Variants in SRSF5 observed in about 807,000 individuals in gnomAD.
SRSF5 encodes serine/arginine-rich splicing factor 5.
SRSF5 carries 5 observed loss-of-function variants against 34.0 expected under a neutral mutation model. The observed-to-expected ratio is 0.15, with a 90% confidence interval of 0.08 to 0.31. The LOEUF (loss-of-function observed/expected upper bound fraction) is 0.31. Ranked by LOEUF, SRSF5 falls within the 10% of genes least tolerant of loss-of-function variation. SRSF5 has a pLI of 1.00. For synonymous variants in SRSF5, 164 were observed against 117.7 expected (o/e 1.39, Z -2.55); for missense variants, 223 against 351.4 (o/e 0.63, Z 2.92).
At chr14:69,767,340 C>T (rs1004502618) in intron 1 of SRSF5, 85 bp downstream of exon 1, 2 of 455,726 alleles carry the variant, frequency 4.4e-6, no homozygotes, top group African/African-American at 2.0e-5. Context: ...GGGCTGCTCT[C>T]TTTGCGGAGG....
chr14:69,771,719 T>C lies in SRSF5; in HGVS notation c.*258T>C. 1 of 396,944 alleles carries C rather than the reference T, an allele frequency of 2.5e-6. No individual in the cohort carries two copies. Among genetic ancestry groups the C allele is most frequent in the Non-Finnish European group, 4.5e-6 (1 of 222,906 alleles). The allele number at this position is 396,944 out of a possible 1,614,324, so 24.6% of individuals were successfully genotyped here. A position where few individuals can be genotyped will look rare whatever the true frequency, so the allele number is the denominator to read the frequency against. On this transcript the variant is annotated 3_prime_UTR_variant, in exon 8 of 8. Transcript: ENST00000557154. ...GTCTGAAGTATATAGTTTGTGTATA[T>C]TGACAGAGCTCTTTTATAACTAAAG...
At chr14:69,770,431 C>T (rs932626795) in intron 5 of SRSF5, 36 bp from the exon 6 acceptor site, 1 of 1,604,760 alleles carries the variant, frequency 6.2e-7, no homozygotes, top group African/African-American at 1.3e-5. Context: ...TGTCCCCTTT[C>T]CTCTTCTTTG....
intron 5 of SRSF5, chr14:69,770,062 T>C (rs1206445029): frequency 3.5e-5 from 36 of 1,018,630 alleles, no homozygotes; most frequent in Non-Finnish European, 4.0e-5. Flanking sequence ...ACTTTTTTAA[T>C]GACATATGGG....
Position 69,768,824 on chromosome 14 carries a change from G to A in SRSF5, c.224G>A (p.Arg75Gln). The change falls in exon 4 of 8, where the codon CGG (arginine) becomes CAG (glutamine). Residue 75 changes from arginine to glutamine, a missense_variant. This residue lies in a region of SRSF5 where 44 missense variants were observed against 44.3 expected (regional missense o/e 0.99). Transcript: ENST00000557154. ...GTTACTATTGAACATGCTAGGGCTC[G>A]GTCACGAGGTGGAAGAGGTAGAGGA... ...ERVTIEHARA[R>Q]SRGGRGRGRY... 1.9e-6 allele frequency: 3 copies of A among 1,614,156 alleles called. No individual in the cohort carries two copies. The highest frequency in any genetic ancestry group is 1.7e-5 in the Admixed American group (1 of 60,014).
At chr14:69,768,703 T>G in intron 3 of SRSF5, 29 bp downstream of exon 3, 2 of 1,612,458 alleles carry the variant, frequency 1.2e-6, no homozygotes, top group East Asian at 2.2e-5. Context: ...TAGATAACCC[T>G]GGGACATAGA....
chr14:69,769,598 C>CT, intron 5 of SRSF5: 2 of 1,535,388 alleles, frequency 1.3e-6, no homozygotes, highest in Non-Finnish European at 1.7e-6. Flanking sequence ...GCCTGGTTGA[C>CT]TTTGCCAGTC....
intron 2 of SRSF5, 83 bp from the exon 3 acceptor site, chr14:69,768,519 TTC>T: frequency 7.2e-7 from 1 of 1,380,988 alleles, no homozygotes; most frequent in Non-Finnish European, 1.0e-6. Flanking sequence ...ACTCTTCCCA[TTC>T]TGTCTCCTGA....
chr14:69,769,351 A>T, intron 5 of SRSF5, 100 bp downstream of exon 5: 1 of 1,515,538 alleles, frequency 6.6e-7, no homozygotes, highest in African/African-American at 1.4e-5. Flanking sequence ...GTTTTAAATT[A>T]ATGGATTTAA....
chr14:69,770,353 G>C, intron 5 of SRSF5, 114 bp from the exon 6 acceptor site: 1 of 1,483,900 alleles, frequency 6.7e-7, no homozygotes, highest in Non-Finnish European at 8.9e-7. Flanking sequence ...TAAATGCCAT[G>C]TTTGTACTTT....
chr14:69,767,568 G>T (rs1882632729), intron 1 of SRSF5: 1 of 455,782 alleles, frequency 2.2e-6, no homozygotes, highest in Non-Finnish European at 4.4e-6. Context: ...CGATGCGGCT[G>T]GGCCTTTTGT....
Position 69,768,461 on chromosome 14 carries a change from C to A in SRSF5, c.127-143C>A. The A allele has an allele frequency of 4.2e-6, 5 of 1,190,268 alleles. No homozygotes were observed. In the South Asian group the frequency reaches 5.6e-5, roughly 13 times the overall value. 73.7% of individuals were successfully genotyped at this position (1,190,268 alleles called of 1,614,324 possible). ...TTGCCGGCTCACTGGAACCCCACTCCCAGTGGCTCCTTGATTAGGTTTGAC... is the reference window on the plus strand; with the variant it reads ...TTGCCGGCTCACTGGAACCCCACTCACAGTGGCTCCTTGATTAGGTTTGAC... On this transcript the variant is annotated intron_variant, in intron 2 of 7. Coordinates refer to ENST00000557154, the MANE Select transcript of SRSF5 (RefSeq NM_001320214.2).
chr14:69,769,135 G>T, intron 4 of SRSF5, 47 bp from the exon 5 acceptor site: 1 of 1,604,898 alleles, frequency 6.2e-7, no homozygotes, highest in Non-Finnish European at 8.5e-7. Context: ...GAACACAAGT[G>T]CTGTCATTGC....
intron 1 of SRSF5, chr14:69,767,644 C>T (rs1036858180): frequency 2.4e-5 from 10 of 417,140 alleles, no homozygotes; most frequent in Admixed American, 2.0e-4. Context: ...GAATTTGGCA[C>T]GCGCAGCTCT....
Position 69,768,895 on chromosome 14 carries a change from C to G in SRSF5, c.295C>G (p.Arg99Gly). 1 of 1,613,586 alleles carries G rather than the reference C, an allele frequency of 6.2e-7. No homozygotes were observed. Among genetic ancestry groups the G allele is most frequent in the Non-Finnish European group, 8.5e-7 (1 of 1,179,556 alleles). ...TAGTCGCAGACCTCGAAATGATAGA[C>G]GGTATGTGAAGGGTGGATGGCTGCA... ...FSSRRPRNDR[R>G]NAPPVRTENR... Residue 99 changes from arginine to glycine, a missense_variant and splice_region_variant, in exon 4 of 8, where the codon CGA becomes GGA. Arg to Gly is a moderately radical substitution (Grantham distance 125). This residue lies in a region of SRSF5 where 44 missense variants were observed against 44.3 expected (regional missense o/e 0.99). Transcript: ENST00000557154.
intron 5 of SRSF5, chr14:69,770,103 C>A: frequency 9.7e-7 from 1 of 1,031,122 alleles, no homozygotes; most frequent in Non-Finnish European, 1.2e-6. Flanking sequence ...TGTAAATGTT[C>A]TGTTTTTTTA....
chr14:69,771,527 T>C lies in SRSF5; in HGVS notation c.*66T>C. Reference sequence around the variant, plus strand: ...AAAAACCACAAAAATTCCCAAACCATACTTGCTAAAAATTCTGGTAAGTAT... The same window carrying C: ...AAAAACCACAAAAATTCCCAAACCACACTTGCTAAAAATTCTGGTAAGTAT... On this transcript the variant is annotated 3_prime_UTR_variant, in exon 8 of 8. Transcript: ENST00000557154. The C allele has an allele frequency of 7.1e-7, 1 of 1,408,156 alleles. No homozygotes were observed. The highest frequency in any genetic ancestry group is 9.4e-7 in the Non-Finnish European group (1 of 1,059,866). The allele number at this position is 1,408,156 out of a possible 1,614,324, so 87.2% of individuals were successfully genotyped here.
Position 69,769,268 on chromosome 14 carries a change from T to C in SRSF5, c.366+17T>C. 6.2e-7 allele frequency: 1 copy of C among 1,613,378 alleles called. No individual in the cohort carries two copies. The highest frequency in any genetic ancestry group is 8.5e-7 in the Non-Finnish European group (1 of 1,179,574). ...AGCTGGCAGGTTTGTTGAAATACAG[T>C]TTTGAGTTATTTTGATGTGGCTTTT... On this transcript the variant is annotated intron_variant, in intron 5 of 7. Coordinates refer to ENST00000557154, the MANE Select transcript of SRSF5 (RefSeq NM_001320214.2).
rs1883141637 is a variant in SRSF5, at chr14:69,771,031, T to C, written c.477T>C (p.Asn159=). ...TTGCCTCTTATGGTGACTTAAAGAA[T>C]GCTATTGAAAAACTTTCTGGAAAGG... ...VEFASYGDLK[N]AIEKLSGKEI... Residue 159 remains asparagine (N), a synonymous_variant, in exon 7 of 8, where the codon AAT becomes AAC. Transcript: ENST00000557154. The C allele has an allele frequency of 1.9e-6, 3 of 1,613,798 alleles. No homozygotes were observed. Among genetic ancestry groups the C allele is most frequent in the Non-Finnish European group, 8.5e-7 (1 of 1,179,906 alleles).
Position 69,771,541 on chromosome 14 carries a change from T to G in SRSF5, c.*80T>G. ...TTCCCAAACCATACTTGCTAAAAATTCTGGTAAGTATGTGCTTTTCTGTGG... is the reference window on the plus strand; with the variant it reads ...TTCCCAAACCATACTTGCTAAAAATGCTGGTAAGTATGTGCTTTTCTGTGG... On this transcript the variant is annotated 3_prime_UTR_variant, in exon 8 of 8. Transcript: ENST00000557154. The G allele has an allele frequency of 2.1e-6, 3 of 1,403,378 alleles. No homozygotes were observed. Among genetic ancestry groups the G allele is most frequent in the Non-Finnish European group, 2.8e-6 (3 of 1,054,590 alleles). 86.9% of individuals were successfully genotyped at this position (1,403,378 alleles called of 1,614,324 possible). A position where few individuals can be genotyped will look rare whatever the true frequency, so the allele number is the denominator to read the frequency against.
Sources: allele counts gnomAD v4.1 joint callset, GRCh38; gene constraint gnomAD v4.1.1; regional missense constraint gnomAD v4.1.1; transcripts MANE v1.5; gene names NCBI Gene and HGNC (gene_info 2026-07-23, HGNC 2026-07-21).